The following PALLD variants were observed in gnomAD, a reference collection of about 807,000 sequenced individuals.
PALLD encodes the protein palladin, cytoskeletal associated protein, also known as palladin.
PALLD carries 61 observed loss-of-function variants against 123.5 expected under a neutral mutation model. That is an observed-to-expected ratio of 0.49 (90% CI 0.40 to 0.61). The LOEUF (loss-of-function observed/expected upper bound fraction) is 0.61, where lower values mean the gene tolerates loss of function less well. Ranked by LOEUF, PALLD falls within the 20% of genes least tolerant of loss-of-function variation. The probability of loss-of-function intolerance (pLI) is 0.00; values close to 1 mark genes in which losing one functional copy is unlikely to be tolerated. For synonymous variants in PALLD, 465 were observed against 496.4 expected (o/e 0.94, Z 0.84); for missense variants, 1,273 against 1,377.0 (o/e 0.92, Z 1.20).
intron 2 of PALLD, among the ~76,000 whole-genome samples, chr4:168,660,754 A>G (rs1779050148): frequency 6.6e-6 from 1 of 152,234 alleles, no homozygotes; most frequent in Admixed American, 6.5e-5. Context: ...TGAACAAGGA[A>G]AATTCAATAC....
At chr4:168,821,308 G>A (rs1042014773) in intron 10 of PALLD, among the ~76,000 whole-genome samples, 4 of 152,136 alleles carry the variant, frequency 2.6e-5, no homozygotes, top group African/African-American at 9.7e-5. Flanking sequence ...ATTAGAAATG[G>A]AAATCCTAAG....
intron 10 of PALLD, among the ~76,000 whole-genome samples, chr4:168,798,887 A>G (rs1418661248): frequency 6.6e-6 from 1 of 152,224 alleles, no homozygotes; most frequent in African/African-American, 2.4e-5. Context: ...TCAGTAGGAA[A>G]TGCAGAAAGA....
intron 15 of PALLD, 86 bp downstream of exon 15, chr4:168,903,992 A>C (rs928550764): frequency 2.9e-5 from 37 of 1,269,910 alleles, no homozygotes; most frequent in Non-Finnish European, 3.7e-5. Context: ...TAAAAGGTGA[A>C]GTTAAGAAGT....
chr4:168,923,736 C>T (rs1487088196), intron 18 of PALLD, among the ~76,000 whole-genome samples: 2 of 152,088 alleles, frequency 1.3e-5, no homozygotes, highest in Admixed American at 6.5e-5. Flanking sequence ...ATAAAGATGC[C>T]TCCCCTTTAA....
At position 168,724,188 on chromosome 4, in the gene PALLD, T is replaced by C. The variant is rs556198753; in HGVS notation, c.1964+12265T>C. Among the ~76,000 whole-genome samples the C allele has an allele frequency of 2.0e-5, 3 of 152,358 alleles. No individual in the cohort carries two copies. The South Asian group carries it at 6.2e-4, about 32-fold the overall frequency. Reference sequence around the variant, plus strand: ...TCCTCATTTGTGTATTTTAAAATGATTGTTCTCAACTAATGACTCTCTAAT... The same window carrying C: ...TCCTCATTTGTGTATTTTAAAATGACTGTTCTCAACTAATGACTCTCTAAT... On this transcript the variant is annotated intron_variant, in intron 10 of 21. Coordinates refer to ENST00000505667, the MANE Select transcript of PALLD (RefSeq NM_001166108.2).
chr4:168,913,843 T>C (rs1366697836), intron 15 of PALLD, 84 bp from the exon 16 acceptor site: 9 of 924,290 alleles, frequency 9.7e-6, no homozygotes, highest in East Asian at 2.4e-5. Flanking sequence ...TAATGTCTTA[T>C]AGAGAATAGG....
At chr4:168,813,568 C>T (rs2150753383) in intron 10 of PALLD, among the ~76,000 whole-genome samples, 1 of 152,240 alleles carries the variant, frequency 6.6e-6, no homozygotes, top group East Asian at 1.9e-4. Context: ...AGCAATCCCC[C>T]CACCTCAGCC....
intron 10 of PALLD, among the ~76,000 whole-genome samples, chr4:168,749,566 G>T (rs1730761624): frequency 6.6e-6 from 1 of 152,014 alleles, no homozygotes; most frequent in Admixed American, 6.6e-5. Context: ...AATTAGCTGG[G>T]CATCATGGGC....
chr4:168,793,145 A>G (rs28592726), intron 10 of PALLD, among the ~76,000 whole-genome samples: 23,579 of 94,782 alleles, frequency 0.25, 3,073 homozygotes, highest in Non-Finnish European at 0.31. Context: ...ATACATATAT[A>G]TGTGTGCATA....
At chr4:168,796,616 T>G (rs1286987019) in intron 10 of PALLD, among the ~76,000 whole-genome samples, 3 of 152,070 alleles carry the variant, frequency 2.0e-5, no homozygotes, top group Non-Finnish European at 2.9e-5. Context: ...GTTCCATCTA[T>G]GAGATGAAAA....
intron 10 of PALLD, among the ~76,000 whole-genome samples, chr4:168,767,301 GACCTGCTCTCCAGCC>G (rs1733801206): frequency 6.6e-6 from 1 of 152,110 alleles, no homozygotes; most frequent in Non-Finnish European, 1.5e-5. Context: ...CCTTACACAT[GACCTGCTCTCCAGCC>G]ACTTCTCCCC....
At chr4:168,680,254 G>A (rs977523527) in intron 3 of PALLD, among the ~76,000 whole-genome samples, 4 of 151,546 alleles carry the variant, frequency 2.6e-5, no homozygotes, top group Non-Finnish European at 5.9e-5. Context: ...GAGGTGGGCA[G>A]ATCACTTGAG....
At chr4:168,608,850 A>ATTT (rs11398274) in intron 2 of PALLD, among the ~76,000 whole-genome samples, 6 of 135,798 alleles carry the variant, frequency 4.4e-5, no homozygotes, top group Admixed American at 3.0e-4. Context: ...AGCTATAACT[A>ATTT]TTTTTTTTTT....
At chr4:168,532,249 AG>A (rs1179099814) in intron 2 of PALLD, among the ~76,000 whole-genome samples, 1 of 152,178 alleles carries the variant, frequency 6.6e-6, no homozygotes, top group Non-Finnish European at 1.5e-5. Flanking sequence ...CATCCCTGCA[AG>A]GGATATGATC....
At chr4:168,582,674 G>A (rs758521460) in intron 2 of PALLD, among the ~76,000 whole-genome samples, 1 of 152,040 alleles carries the variant, frequency 6.6e-6, no homozygotes, top group Non-Finnish European at 1.5e-5. Flanking sequence ...TGCATCTATG[G>A]AGATGATCAG....
chr4:168,560,375 C>T (rs192762045), intron 2 of PALLD, among the ~76,000 whole-genome samples: 258 of 152,296 alleles, frequency 1.7e-3, no homozygotes, highest in African/African-American at 5.1e-3. Flanking sequence ...ACAAGGCAGA[C>T]GCTGGAAAGC....
intron 4 of PALLD, among the ~76,000 whole-genome samples, chr4:168,682,540 A>G (rs1580940317): frequency 6.6e-6 from 1 of 152,240 alleles, no homozygotes; most frequent in East Asian, 1.9e-4. Flanking sequence ...CAAAATTAGA[A>G]ACCAGAAAAA....
chr4:168,602,622 CCA>C (rs1281709992), intron 2 of PALLD, among the ~76,000 whole-genome samples: 53 of 152,176 alleles, frequency 3.5e-4, no homozygotes, highest in Non-Finnish European at 6.2e-4. Context: ...CTACTCATTT[CCA>C]GACTCCATTT....
intron 2 of PALLD, among the ~76,000 whole-genome samples, chr4:168,666,563 T>C (rs115302993): frequency 0.016 from 2,438 of 152,240 alleles, 28 homozygotes; most frequent in Non-Finnish European, 0.027. Context: ...AGGCAGGTAA[T>C]ATTTGAGGGC....
Sources: allele counts gnomAD v4.1 joint callset (sites outside exome capture counted in the v4.1 genomes callset), GRCh38; gene constraint gnomAD v4.1.1; transcripts MANE v1.5; gene names NCBI Gene and HGNC (gene_info 2026-07-23, HGNC 2026-07-21).